ALG6: variants seen among roughly 807,000 people sequenced by gnomAD.
The protein encoded by ALG6 is dolichyl pyrophosphate Man9GlcNAc2 alpha-1,3-glucosyltransferase.
ALG6 carries 46 observed loss-of-function variants against 66.6 expected under a neutral mutation model. The ratio of observed to expected loss-of-function variants is 0.69; its 90% CI spans 0.55 to 0.88. The LOEUF (loss-of-function observed/expected upper bound fraction) is 0.88, where lower values mean the gene tolerates loss of function less well. ALG6 is among the 40% of genes least tolerant of loss of function. ALG6 has a pLI of 0.00. For synonymous variants in ALG6, 185 were observed against 203.7 expected (o/e 0.91, Z 0.78); for missense variants, 505 against 586.8 (o/e 0.86, Z 1.44).
chr1:63,423,156 TG>T (rs1187823558), intron 12 of ALG6, among the ~76,000 whole-genome samples: 1 of 151,562 alleles, frequency 6.6e-6, no homozygotes, highest in Non-Finnish European at 1.5e-5. Context: ...CCCCAGTAGC[TG>T]GGACTACAGA....
chr1:63,428,600 A>G, intron 12 of ALG6, 133 bp from the exon 13 acceptor site: 8 of 666,276 alleles, frequency 1.2e-5, no homozygotes, highest in Non-Finnish European at 2.0e-5. Flanking sequence ...TCAGTAGTCC[A>G]TATGAAGACC....
At position 63,437,056 on chromosome 1, in the gene ALG6, T is replaced by C; in HGVS notation, c.*36T>C. On this transcript the variant is annotated 3_prime_UTR_variant, in exon 15 of 15. Transcript: ENST00000263440. ...AAACAAATTGTTTCCTAAACAAATG[T>C]GAAAATGTGAACAGTGCTGAAAGGT... The C allele has an allele frequency of 6.3e-7, 1 of 1,578,852 alleles. No individual in the cohort carries two copies.
intron 1 of ALG6, among the ~76,000 whole-genome samples, chr1:63,367,953 A>G (rs148695329): frequency 2.0e-5 from 3 of 151,492 alleles, no homozygotes; most frequent in South Asian, 2.1e-4. Context: ...CTGGCCCTCA[A>G]GAGGAGGGGC....
rs1644514733 is a variant in ALG6, at chr1:63,411,301, A to G, written c.650A>G (p.Lys217Arg). 1.2e-6 allele frequency: 2 copies of G among 1,613,740 alleles called. No homozygotes were observed. The highest frequency in any genetic ancestry group is 1.3e-5 in the African/African-American group (1 of 74,896). Reference protein sequence around the residue: ...ALPFFCFLLGKCFKKGLKGKG... With the variant: ...ALPFFCFLLGRCFKKGLKGKG... ...CCATTTTTTTGCTTTTTACTTGGCA[A>G]GTGTTTTAAAAAAGGCCTCAAAGGA... Residue 217 changes from lysine (K) to arginine (R), a missense_variant, in exon 8 of 15, where the codon AAG (lysine) becomes AGG (arginine). Lys to Arg is a conservative substitution (Grantham distance 26). Coordinates refer to ENST00000263440, the MANE Select transcript of ALG6 (RefSeq NM_013339.4).
At chr1:63,411,398 G>C in intron 8 of ALG6, 67 bp downstream of exon 8, 2 of 1,404,354 alleles carry the variant, frequency 1.4e-6, no homozygotes, top group South Asian at 1.2e-5. Context: ...ATACTTACTT[G>C]CAGTAAGATG....
intron 3 of ALG6, among the ~76,000 whole-genome samples, chr1:63,399,341 AC>A (rs1261204784): frequency 6.6e-6 from 1 of 152,234 alleles, no homozygotes. Context: ...TATCACATTT[AC>A]CATATTGTAT....
chr1:63,387,657 C>T (rs1648543778), intron 2 of ALG6, among the ~76,000 whole-genome samples: 1 of 147,962 alleles, frequency 6.8e-6, no homozygotes, highest in South Asian at 2.2e-4. Context: ...ATTCTCCTGC[C>T]TCAGCCTCCC....
intron 2 of ALG6, among the ~76,000 whole-genome samples, chr1:63,385,286 A>G (rs1648469105): frequency 7.4e-6 from 1 of 136,048 alleles, no homozygotes; most frequent in Non-Finnish European, 1.5e-5. Flanking sequence ...GGCAACCTCT[A>G]CCTCCCAGGT....
Position 63,375,411 on chromosome 1 carries a change from T to C in ALG6, c.82+4352T>C, listed in dbSNP as rs926135189. Among the ~76,000 whole-genome samples the C allele has an allele frequency of 7.4e-5, 7 of 95,132 alleles. No individual in the cohort carries two copies. In the South Asian group the frequency reaches 2.4e-3, roughly 33 times the overall value. The allele number at this position is 95,132 out of a possible 152,430, so 62.4% of individuals were successfully genotyped here. On this transcript the variant is annotated intron_variant, in intron 2 of 14. Coordinates refer to ENST00000263440, the MANE Select transcript of ALG6 (RefSeq NM_013339.4). The stretch of plus-strand genomic sequence containing the variant: ...CAGGCATGTGCCACCACCCCCGGCA[T>C]TTTTTTTTTTTTTTTTTTTTTTTTT...
chr1:63,369,128 T>C (rs1221972644), intron 1 of ALG6, among the ~76,000 whole-genome samples: 2 of 152,198 alleles, frequency 1.3e-5, no homozygotes, highest in Non-Finnish European at 2.9e-5. Context: ...GATTGCACCA[T>C]GTCATGTGAA....
intron 2 of ALG6, among the ~76,000 whole-genome samples, chr1:63,382,665 G>GTTTTTT (rs59236936): frequency 7.5e-5 from 7 of 93,598 alleles, no homozygotes; most frequent in Non-Finnish European, 1.3e-4. Flanking sequence ...GTTTTTTTTT[G>GTTTTTT]TTTTTTTTTT....
intron 2 of ALG6, among the ~76,000 whole-genome samples, chr1:63,382,514 A>C (rs1487567451): frequency 6.6e-6 from 1 of 151,482 alleles, no homozygotes; most frequent in Non-Finnish European, 1.5e-5. Context: ...TCGCTCTGTC[A>C]CCCAGGCTGG....
intron 9 of ALG6, among the ~76,000 whole-genome samples, chr1:63,412,864 A>T (rs1644523579): frequency 6.6e-6 from 1 of 152,196 alleles, no homozygotes; most frequent in Non-Finnish European, 1.5e-5. Context: ...TTTAAAAATA[A>T]TTTTAAAAGC....
intron 2 of ALG6, among the ~76,000 whole-genome samples, chr1:63,393,326 G>GT (rs1165404874): frequency 6.6e-6 from 1 of 152,140 alleles, no homozygotes; most frequent in South Asian, 2.1e-4. Context: ...TTCCTCTCCA[G>GT]TTTAATTAAG....
intron 12 of ALG6, among the ~76,000 whole-genome samples, chr1:63,422,462 AATATATATATAAAT>A (rs1437452026): frequency 1.6e-5 from 2 of 123,720 alleles, no homozygotes; most frequent in Non-Finnish European, 3.2e-5. Context: ...TATAAATATA[AATATATATATAAAT>A]ATATATATAT....
At chr1:63,418,312 T>A (rs1324837072) in intron 11 of ALG6, among the ~76,000 whole-genome samples, 1 of 147,714 alleles carries the variant, frequency 6.8e-6, no homozygotes, top group Non-Finnish European at 1.5e-5. Flanking sequence ...ATTATTAAAT[T>A]ATTAAATAAT....
intron 4 of ALG6, among the ~76,000 whole-genome samples, chr1:63,403,502 A>G (rs968811): frequency 0.6 from 90,706 of 152,006 alleles, 28,592 homozygotes; most frequent in African/African-American, 0.79. Context: ...GATTTGAAGT[A>G]TGTCAGCAAA....
intron 6 of ALG6, 136 bp downstream of exon 6, chr1:63,406,535 A>G: frequency 1.3e-6 from 1 of 768,934 alleles, no homozygotes; most frequent in South Asian, 1.5e-5. Context: ...ATCAATTTTC[A>G]CTTCAAAAGC....
chr1:63,407,168 T>C (rs781186328), intron 7 of ALG6, 42 bp downstream of exon 7: 3 of 1,426,516 alleles, frequency 2.1e-6, no homozygotes. Flanking sequence ...TTGCATATTG[T>C]GAAATCTAGA....
Sources: gnomAD v4.1 joint callset for allele counts (sites outside exome capture counted in the v4.1 genomes callset) on GRCh38, gnomAD v4.1.1 for gene constraint, MANE v1.5 for transcripts, NCBI Gene and HGNC (gene_info 2026-07-23, HGNC 2026-07-21) for gene names.